The following ADGRF3 variants were observed in gnomAD, a reference collection of about 807,000 sequenced individuals.
The protein encoded by ADGRF3 is G protein-coupled receptor 113.
ADGRF3 carries 85 observed loss-of-function variants against 93.2 expected under a neutral mutation model. The observed-to-expected ratio is 0.91, with a 90% CI of 0.77 to 1.09. The LOEUF is 1.09. Ranked by LOEUF, ADGRF3 falls within the 50% of genes least tolerant of loss-of-function variation. The probability of loss-of-function intolerance (pLI) is 0.00; values close to 1 mark genes in which losing one functional copy is unlikely to be tolerated. For synonymous variants in ADGRF3, 534 were observed against 532.5 expected, an observed-to-expected ratio of 1.00 and a Z score of -0.04; for missense variants, 1,125 against 1,246.2, an observed-to-expected ratio of 0.90 and a Z score of 1.46.
At chr2:26,336,872 C>A (rs776620815) in intron 1 of ADGRF3, among the ~76,000 whole-genome samples, 1 of 151,848 alleles carries the variant, frequency 6.6e-6, no homozygotes, top group South Asian at 2.1e-4. Context: ...AGAGGAGGAA[C>A]CTGGCAGTAG....
chr2:26,311,847 G>C lies in ADGRF3; in HGVS notation c.1677C>G (p.Phe559Leu). The change falls in exon 10 of 14, where the codon TTC (phenylalanine) becomes TTG (leucine). Residue 559 changes from phenylalanine (F) to leucine (L), a missense_variant. Physicochemically the swap from Phe to Leu is conservative, Grantham distance 22. Transcript: ENST00000651242. ...PTFPADYSISFPTRPPLQAQI... is the reference protein window; with the variant it reads ...PTFPADYSISLPTRPPLQAQI... The stretch of plus-strand genomic sequence containing the variant: ...GAGCCTGCAGTGGGGGCCGAGTAGG[G>C]AAGGAGATGCTGTAGTCAGCAGGAA... 6.2e-7 allele frequency: 1 copy of C among 1,613,890 alleles called. No homozygotes were observed. The highest frequency in any genetic ancestry group is 8.5e-7 in the Non-Finnish European group (1 of 1,179,840).
rs1305447060 is a variant in ADGRF3 at position 26,315,739 on chromosome 2, G to A, written c.501C>T (p.Val167=). Residue 167 remains valine, a splice_region_variant and synonymous_variant, in exon 5 of 14, where the codon GTC becomes GTT. Coordinates refer to ENST00000651242, the MANE Select transcript of ADGRF3 (RefSeq NM_001321971.2). ...EPGYCQLLPP[V]PGILNLNSQL... Reference sequence around the variant, plus strand: ...GGGAGTTCAGGTTGAGGATCCCGGGGACTGCAGGGAGGCAGGTGACAGGGG... The same window carrying A: ...GGGAGTTCAGGTTGAGGATCCCGGGAACTGCAGGGAGGCAGGTGACAGGGG... The A allele has an allele frequency of 6.4e-7, 1 of 1,551,092 alleles. No individual in the cohort carries two copies. Among genetic ancestry groups the A allele is most frequent in the Admixed American group, 2.0e-5 (1 of 50,990 alleles).
intron 1 of ADGRF3, among the ~76,000 whole-genome samples, chr2:26,327,784 A>C (rs1356274035): frequency 6.6e-6 from 1 of 151,740 alleles, no homozygotes; most frequent in African/African-American, 2.4e-5. Context: ...TTTTATTAGG[A>C]GCCTACTCCC....
rs554798966 is a variant in ADGRF3, at chr2:26,311,875, G to A, written c.1649C>T (p.Thr550Met). 105 of 1,613,944 alleles carry A rather than the reference G, an allele frequency of 6.5e-5. No homozygotes were observed. In the South Asian group the frequency reaches 9.3e-4, roughly 14 times the overall value. Reference protein sequence around the residue: ...VLLQSQLFGPTFPADYSISFP... With the variant: ...VLLQSQLFGPMFPADYSISFP... ...GGAGATGCTGTAGTCAGCAGGAAACGTGGGTCCAAACAGCTGGCTCTGCAG... is the reference window on the plus strand; with the variant it reads ...GGAGATGCTGTAGTCAGCAGGAAACATGGGTCCAAACAGCTGGCTCTGCAG... The change falls in exon 10 of 14, where the codon ACG (threonine) becomes ATG (methionine). Residue 550 changes from threonine to methionine, a missense_variant. Coordinates refer to ENST00000651242, the MANE Select transcript of ADGRF3 (RefSeq NM_001321971.2).
At chr2:26,310,133 T>C in intron 11 of ADGRF3, 28 bp from the exon 12 acceptor site, 1 of 1,614,062 alleles carries the variant, frequency 6.2e-7, no homozygotes, top group Non-Finnish European at 8.5e-7. Flanking sequence ...GCTCTGCTTA[T>C]GCCAGCCACG....
chr2:26,337,157 T>C (rs1253464521), intron 1 of ADGRF3, among the ~76,000 whole-genome samples: 2 of 152,224 alleles, frequency 1.3e-5, no homozygotes, highest in African/African-American at 4.8e-5. Context: ...TCCTATACTT[T>C]TCTGCAGGCC....
chr2:26,345,399 G>A (rs1676653834), intron 1 of ADGRF3, among the ~76,000 whole-genome samples: 3 of 152,070 alleles, frequency 2.0e-5, no homozygotes. Flanking sequence ...CTTTTATCTG[G>A]TCGGGAGACA....
At position 26,317,822 on chromosome 2, in the gene ADGRF3, C is replaced by A. The variant is rs536431106; in HGVS notation, c.115-260G>T. Among the ~76,000 whole-genome samples the A allele has an allele frequency of 1.2e-3, 183 of 152,318 alleles. 1 individual carries two copies. Among genetic ancestry groups the A allele is most frequent in the African/African-American group, 4.1e-3 (171 of 41,560 alleles). On this transcript the variant is annotated intron_variant, in intron 1 of 13. Transcript: ENST00000651242. ...ACATGCTTTGTTTAATTCCTTCCTG[C>A]GTTTACCTGTCCCTGGGCCTCTAGG...
chr2:26,316,393 C>T lies in ADGRF3; in HGVS notation c.381G>A (p.Gln127=), dbSNP rs371422759. The T allele has an allele frequency of 1.7e-5, 26 of 1,551,796 alleles. No homozygotes were observed. In the East Asian group the frequency reaches 2.4e-4, roughly 15 times the overall value. ...AATGGAGGCAGATGCTGGTGTTCCA[C>T]TGGTAGCCAGAGAGGCAAGCACAAT... ...NFYCACLSGY[Q]WNTSICLHYP... The change falls in exon 4 of 14, where the codon CAG becomes CAA. Residue 127 remains glutamine, a synonymous_variant. Transcript: ENST00000651242.
chr2:26,344,177 C>T (rs1676557532), intron 1 of ADGRF3, among the ~76,000 whole-genome samples: 1 of 152,150 alleles, frequency 6.6e-6, no homozygotes, highest in Non-Finnish European at 1.5e-5. Flanking sequence ...CGGAGTCTTG[C>T]TCTGTCGCCC....
chr2:26,314,637 T>C lies in ADGRF3; in HGVS notation c.719-14A>G. 1.9e-6 allele frequency: 3 copies of C among 1,609,018 alleles called. No homozygotes were observed. Among genetic ancestry groups the C allele is most frequent in the Non-Finnish European group, 2.6e-6 (3 of 1,176,036 alleles). Reference sequence around the variant, plus strand: ...TCATGTACTCACCTGCAGAAACGTGTGTGCGGCGCTATGTGGCTCCTCTGG... The same window carrying C: ...TCATGTACTCACCTGCAGAAACGTGCGTGCGGCGCTATGTGGCTCCTCTGG... On this transcript the variant is annotated splice_polypyrimidine_tract_variant and intron_variant, in intron 5 of 13. Coordinates refer to ENST00000651242, the MANE Select transcript of ADGRF3 (RefSeq NM_001321971.2).
chr2:26,324,523 T>C (rs1675337259), intron 1 of ADGRF3, among the ~76,000 whole-genome samples: 1 of 152,118 alleles, frequency 6.6e-6, no homozygotes, highest in Non-Finnish European at 1.5e-5. Flanking sequence ...CCTGTATGTG[T>C]CCATGTGTTT....
chr2:26,314,374 CT>C (rs1674464184), intron 6 of ADGRF3, 39 bp downstream of exon 6: 1 of 1,573,040 alleles, frequency 6.4e-7, no homozygotes. Flanking sequence ...CAGCTGCCCC[CT>C]GGTCCCTCTG....
In ADGRF3 at chr2:26,313,093, A is replaced by C; in HGVS notation, c.1299T>G (p.Ala433=). The C allele has an allele frequency of 6.2e-7, 1 of 1,613,962 alleles. No homozygotes were observed. Among genetic ancestry groups the C allele is most frequent in the Non-Finnish European group, 8.5e-7 (1 of 1,179,870 alleles). Residue 433 remains alanine, a synonymous_variant, in exon 9 of 14, where the codon GCT becomes GCG. Coordinates refer to ENST00000651242, the MANE Select transcript of ADGRF3 (RefSeq NM_001321971.2). ...GTGCCAGGATCTGTGGCACCTCCTCAGCAGGACTGCCCTGGCCTGCCTGCA... is the reference window on the plus strand; with the variant it reads ...GTGCCAGGATCTGTGGCACCTCCTCCGCAGGACTGCCCTGGCCTGCCTGCA... ...KLLQAGQGSP[A]EEVPQILAQL... is the part of the protein sequence containing the mutation.
In ADGRF3 at chr2:26,311,551, C is replaced by G. The variant is rs978739336; in HGVS notation, c.1973G>C (p.Arg658Thr). Residue 658 changes from arginine to threonine, a missense_variant, in exon 10 of 14, where the codon AGG becomes ACG. Arg to Thr is a moderately conservative substitution (Grantham distance 71). Coordinates refer to ENST00000651242, the MANE Select transcript of ADGRF3 (RefSeq NM_001321971.2). ...VFWDHSLFQG[R>T]GGWSKEGCQA... ...GCACCCTTCTTTGGACCAACCCCCC[C>G]TGCCCTGGAAGAGACTGTGATCCCA... 2.5e-6 allele frequency: 4 copies of G among 1,614,030 alleles called. No homozygotes were observed. Among genetic ancestry groups the G allele is most frequent in the East Asian group, 2.2e-5 (1 of 44,868 alleles).
rs1364370400 is a variant in ADGRF3, at chr2:26,346,229, C to A, written c.6G>T (p.Thr2=). The change falls in exon 1 of 14, where the codon ACG becomes ACT. Residue 2 remains threonine, a synonymous_variant. Coordinates refer to ENST00000651242, the MANE Select transcript of ADGRF3 (RefSeq NM_001321971.2). M[T]TRKLSAHSAA... ...CCGAGTGGGCGCTCAGTTTTCGGGT[C>A]GTCATGGCTGGCTACGAATACGTGA... 1 of 1,613,536 alleles carries A rather than the reference C, an allele frequency of 6.2e-7. No individual in the cohort carries two copies. The highest frequency in any genetic ancestry group is 8.5e-7 in the Non-Finnish European group (1 of 1,179,662).
At position 26,314,452 on chromosome 2, in the gene ADGRF3, G is replaced by A. The variant is rs1235034670; in HGVS notation, c.890C>T (p.Ala297Val). The change falls in exon 6 of 14, where the codon GCC (alanine) becomes GTC (valine). Residue 297 changes from alanine (A) to valine (V), a missense_variant. Physicochemically the swap from Ala to Val is moderately conservative, Grantham distance 64 (BLOSUM62 0). Transcript: ENST00000651242. ...LSCCIPSTNLAYTAAWSPGEG... is the reference protein window; with the variant it reads ...LSCCIPSTNLVYTAAWSPGEG... The stretch of plus-strand genomic sequence containing the variant: ...TCCAGGGCTCCAGGCCGCGGTGTAG[G>A]CCAGGTTTGTGCTGGGGATGCAGCA... The A allele has an allele frequency of 6.2e-7, 1 of 1,613,996 alleles. No individual in the cohort carries two copies. The highest frequency in any genetic ancestry group is 1.3e-5 in the African/African-American group (1 of 75,048).
At chr2:26,322,549 T>G (rs1675211611) in intron 1 of ADGRF3, among the ~76,000 whole-genome samples, 1 of 152,182 alleles carries the variant, frequency 6.6e-6, no homozygotes, top group South Asian at 2.1e-4. Context: ...ACTGTTCCTA[T>G]GATTTTAGAA....
chr2:26,343,348 T>C (rs1260284503), intron 1 of ADGRF3, among the ~76,000 whole-genome samples: 2 of 152,210 alleles, frequency 1.3e-5, no homozygotes, highest in African/African-American at 4.8e-5. Context: ...AGTTATATGA[T>C]ATACAGTTTC....
Sources: allele counts gnomAD v4.1 joint callset (sites outside exome capture counted in the v4.1 genomes callset), GRCh38; gene constraint gnomAD v4.1.1; transcripts MANE v1.5; gene names NCBI Gene and HGNC (gene_info 2026-07-23, HGNC 2026-07-21).